ACTN2: variants seen among roughly 807,000 people sequenced by gnomAD.
ACTN2 encodes the protein alpha-actinin-2.
Under a neutral mutation model 113.8 loss-of-function variants are expected in ACTN2, and 39 were observed. The ratio of observed to expected loss-of-function variants is 0.34; its 90% CI spans 0.27 to 0.45. ACTN2 has a LOEUF of 0.45. ACTN2 is among the 20% of genes least tolerant of loss of function. The pLI is 1.00. For missense variants in ACTN2, 992 were observed against 1,177.9 expected, an observed-to-expected ratio of 0.84 and a Z score of 2.31; for synonymous variants, 429 against 444.1, an observed-to-expected ratio of 0.97 and a Z score of 0.43.
At chr1:236,723,989 T>C (rs940906926) in intron 4 of ACTN2, among the ~76,000 whole-genome samples, 5 of 152,194 alleles carry the variant, frequency 3.3e-5, no homozygotes, top group African/African-American at 1.2e-4. Flanking sequence ...GTGCCAAGAC[T>C]TACTAGAAAT....
chr1:236,705,667 T>C (rs1657802639), intron 1 of ACTN2, among the ~76,000 whole-genome samples: 1 of 152,250 alleles, frequency 6.6e-6, no homozygotes. Flanking sequence ...CGTTGGAGCA[T>C]AGATTTTTCC....
chr1:236,744,951 G>C (rs139021421), intron 12 of ACTN2, among the ~76,000 whole-genome samples, 175 bp downstream of exon 12: 258 of 152,222 alleles, frequency 1.7e-3, no homozygotes, highest in Admixed American at 2.9e-3. Flanking sequence ...TTCTTAGATT[G>C]TGGTAGAATC....
chr1:236,712,677 A>G (rs1370239540), intron 1 of ACTN2, among the ~76,000 whole-genome samples: 10 of 152,154 alleles, frequency 6.6e-5, no homozygotes, highest in African/African-American at 1.9e-4. Context: ...AGAAACAAAC[A>G]AACAAAAAAC....
intron 1 of ACTN2, among the ~76,000 whole-genome samples, chr1:236,705,364 A>G (rs984937256): frequency 6.6e-6 from 1 of 152,222 alleles, no homozygotes; most frequent in Non-Finnish European, 1.5e-5. Context: ...CTGTCATACA[A>G]ATATAAAGAT....
chr1:236,725,381 A>G (rs956638495), intron 4 of ACTN2, among the ~76,000 whole-genome samples: 4 of 152,182 alleles, frequency 2.6e-5, no homozygotes, highest in Non-Finnish European at 4.4e-5. Context: ...AAATCCCAGC[A>G]CTTTGGGAGG....
chr1:236,716,105 T>TA (rs1658201850), intron 1 of ACTN2, among the ~76,000 whole-genome samples: 1 of 151,388 alleles, frequency 6.6e-6, no homozygotes, highest in African/African-American at 2.4e-5. Context: ...TCTTCTTTTT[T>TA]TTTTTTTTTT....
intron 1 of ACTN2, among the ~76,000 whole-genome samples, chr1:236,694,094 C>T (rs959581410): frequency 2.6e-5 from 4 of 152,264 alleles, no homozygotes; most frequent in East Asian, 1.9e-4. Flanking sequence ...GGTCTGCCTT[C>T]TAGAGCAGGG....
chr1:236,727,514 AGAT>A lies in ACTN2; in HGVS notation c.537-161_537-159del, dbSNP rs147735389. ...AGGAGTACCGTGGACCCTGGGAAGA[AGAT>A]GAGTGTTCAAGCTCACCGGGCGGGG... is the stretch of plus-strand genomic sequence containing the variant. On this transcript the variant is annotated intron_variant, in intron 5 of 20. Coordinates refer to ENST00000366578, the MANE Select transcript of ACTN2 (RefSeq NM_001103.4). Among the ~76,000 whole-genome samples the A allele has an allele frequency of 0.042, 6,376 of 152,198 alleles. 318 individuals are homozygous for A. The highest frequency in any genetic ancestry group is 0.1 in the African/African-American group (4,243 of 41,508).
intron 13 of ACTN2, among the ~76,000 whole-genome samples, chr1:236,748,780 G>C (rs894138910): frequency 2.0e-5 from 3 of 152,340 alleles, no homozygotes; most frequent in Admixed American, 6.5e-5. Context: ...CACAGTTAGG[G>C]AATCAGGTCC....
At chr1:236,715,485 A>T (rs1490194837) in intron 1 of ACTN2, among the ~76,000 whole-genome samples, 2 of 152,206 alleles carry the variant, frequency 1.3e-5, no homozygotes, top group East Asian at 1.9e-4. Context: ...TTCTGTGATG[A>T]TAGGAATGTT....
intron 4 of ACTN2, 127 bp downstream of exon 4, chr1:236,720,318 T>C (rs903595172): frequency 2.5e-6 from 2 of 784,798 alleles, no homozygotes; most frequent in Non-Finnish European, 4.4e-6. Flanking sequence ...GTAAGTGGGT[T>C]CTTATAAATT....
chr1:236,689,096 G>A (rs1665976515), intron 1 of ACTN2, among the ~76,000 whole-genome samples: 1 of 152,070 alleles, frequency 6.6e-6, no homozygotes, highest in Admixed American at 6.6e-5. Context: ...ATAAGAGAAG[G>A]GAATGCAGAA....
chr1:236,727,623 G>T, intron 5 of ACTN2, 55 bp from the exon 6 acceptor site: 7 of 1,582,830 alleles, frequency 4.4e-6, no homozygotes, highest in Non-Finnish European at 6.1e-6. Flanking sequence ...GCAGATGCTG[G>T]CTGCTTCTTT....
intron 1 of ACTN2, among the ~76,000 whole-genome samples, chr1:236,688,000 A>G (rs113248825): frequency 1.3e-5 from 2 of 152,242 alleles, no homozygotes; most frequent in African/African-American, 4.8e-5. Context: ...TACCATCCCT[A>G]CCTTTCTTAG....
At chr1:236,718,769 A>C in intron 2 of ACTN2, 125 bp from the exon 3 acceptor site, 1 of 1,333,520 alleles carries the variant, frequency 7.5e-7, no homozygotes, top group Non-Finnish European at 1.1e-6. Context: ...GACCAGGCAC[A>C]CATCAGAAAT....
intron 1 of ACTN2, among the ~76,000 whole-genome samples, chr1:236,712,437 A>G (rs974827521): frequency 3.3e-5 from 5 of 152,182 alleles, no homozygotes; most frequent in African/African-American, 1.2e-4. Flanking sequence ...AAGATAGGGA[A>G]ACTTCATTAG....
chr1:236,759,144 T>C (rs1659634513), intron 18 of ACTN2, among the ~76,000 whole-genome samples: 1 of 152,200 alleles, frequency 6.6e-6, no homozygotes, highest in African/African-American at 2.4e-5. Context: ...TCTTATAGCT[T>C]CAGCACACCT....
At chr1:236,705,485 T>C (rs1201717744) in intron 1 of ACTN2, among the ~76,000 whole-genome samples, 2 of 152,114 alleles carry the variant, frequency 1.3e-5, no homozygotes, top group Non-Finnish European at 2.9e-5. Flanking sequence ...AGGAATGAAA[T>C]GAATGTGCAC....
intron 1 of ACTN2, among the ~76,000 whole-genome samples, chr1:236,705,465 T>C (rs1169681096): frequency 6.6e-6 from 1 of 152,166 alleles, no homozygotes; most frequent in Non-Finnish European, 1.5e-5. Flanking sequence ...GTAAGACACA[T>C]TTGTGGAGCA....
Sources: allele counts gnomAD v4.1 joint callset (sites outside exome capture counted in the v4.1 genomes callset), GRCh38; gene constraint gnomAD v4.1.1; transcripts MANE v1.5; gene names NCBI Gene and HGNC (gene_info 2026-07-23, HGNC 2026-07-21).